The following VAV2 variants were observed in gnomAD, a reference collection of about 807,000 sequenced individuals.
VAV2 encodes the protein guanine nucleotide exchange factor VAV2.
VAV2 carries 67 observed loss-of-function variants against 132.5 expected under a neutral mutation model. The ratio of observed to expected loss-of-function variants is 0.51; its 90% confidence interval spans 0.42 to 0.62. VAV2 has a LOEUF of 0.62. VAV2 is among the 20% of genes least tolerant of loss of function. The pLI is 0.00. For synonymous variants in VAV2, 492 were observed against 443.5 expected, an observed-to-expected ratio of 1.11 and a Z score of -1.37; for missense variants, 938 against 1,153.6, an observed-to-expected ratio of 0.81 and a Z score of 2.71.
chr9:133,838,246 T>A (rs1435738442), intron 3 of VAV2, among the ~76,000 whole-genome samples: 1 of 151,802 alleles, frequency 6.6e-6, no homozygotes, highest in Non-Finnish European at 1.5e-5. Flanking sequence ...CCTTCAGGGC[T>A]GAATCCAAGC....
In VAV2 at chr9:133,802,976, C is replaced by A. The variant is rs572756175; in HGVS notation, c.836+3105G>T. ...TGACTTCAGAGGTTCCCAAAGGCAGCCCTGCCAGAGCAGGTGGCCAAGCCA... is the reference window on the plus strand; with the variant it reads ...TGACTTCAGAGGTTCCCAAAGGCAGACCTGCCAGAGCAGGTGGCCAAGCCA... On this transcript the variant is annotated intron_variant, in intron 9 of 29. Coordinates refer to ENST00000371850, the MANE Select transcript of VAV2 (RefSeq NM_001134398.2). This position sits in a 1 kb window ranked among gnomAD's most constrained non-coding sequence, Gnocchi z 5.8. Among the ~76,000 whole-genome samples the A allele has an allele frequency of 6.6e-6, 1 of 152,354 alleles. No homozygotes were observed. The highest frequency in any genetic ancestry group is 2.1e-4 in the South Asian group (1 of 4,832).
intron 1 of VAV2, among the ~76,000 whole-genome samples, chr9:133,971,443 C>T (rs1029096197): frequency 2.0e-5 from 3 of 152,166 alleles, no homozygotes; most frequent in African/African-American, 7.2e-5. Context: ...CCTGGCCAGG[C>T]CCACGGCCCA....
At chr9:133,772,083 G>A (rs532946154) in intron 25 of VAV2, 37 bp from the exon 26 acceptor site, 33 of 1,580,560 alleles carry the variant, frequency 2.1e-5, no homozygotes, top group Non-Finnish European at 2.2e-5. Flanking sequence ...CACCGCGTGA[G>A]GGCCACACGG....
chr9:133,877,214 C>A (rs912152376), intron 2 of VAV2, among the ~76,000 whole-genome samples: 1 of 152,196 alleles, frequency 6.6e-6, no homozygotes, highest in Non-Finnish European at 1.5e-5. Context: ...AGGCTCCCTC[C>A]GCCCTCAAAC....
intron 2 of VAV2, among the ~76,000 whole-genome samples, chr9:133,880,614 G>T (rs1588306666): frequency 6.6e-6 from 1 of 152,320 alleles, no homozygotes; most frequent in East Asian, 1.9e-4. Context: ...TCCCTGATGG[G>T]TCTTGGGACA....
chr9:133,942,197 G>A (rs1841189645), intron 1 of VAV2, among the ~76,000 whole-genome samples: 1 of 152,364 alleles, frequency 6.6e-6, no homozygotes, highest in Middle Eastern at 3.4e-3. Flanking sequence ...GAGACATGGA[G>A]ACACAGACCC....
rs1383107805 is a variant in VAV2 at position 133,833,506 on chromosome 9, C to A, written c.449+766G>T. 1.3e-5 allele frequency among the ~76,000 whole-genome samples: 2 copies of A among 152,198 alleles called. No homozygotes were observed. The highest frequency in any genetic ancestry group is 2.9e-5 in the Non-Finnish European group (2 of 68,032). ...CAGCAAGGATGCCCGAAGGCACCAT[C>A]TCCCGGTGGCCTGGGAGGGTGGTGG... is the stretch of plus-strand genomic sequence containing the variant. On this transcript the variant is annotated intron_variant, in intron 4 of 29. Coordinates refer to ENST00000371850, the MANE Select transcript of VAV2 (RefSeq NM_001134398.2). The surrounding 1 kb of genome is among the most constrained non-coding windows in gnomAD (Gnocchi z 5.6).
intron 16 of VAV2, among the ~76,000 whole-genome samples, chr9:133,786,507 G>A (rs2488561): frequency 0.5 from 76,323 of 152,118 alleles, 19,395 homozygotes; most frequent in East Asian, 0.57. Flanking sequence ...AGGATCCCAG[G>A]AAGGATGAGC....
Position 133,888,655 on chromosome 9 carries a change from C to T in VAV2, c.322-27223G>A, listed in dbSNP as rs77645362. Among the ~76,000 whole-genome samples, 417 of 152,324 alleles carry T rather than the reference C, an allele frequency of 2.7e-3. 1 individual carries two copies. Among genetic ancestry groups the T allele is most frequent in the African/African-American group, 9.5e-3 (396 of 41,572 alleles). On this transcript the variant is annotated intron_variant, in intron 2 of 29. Transcript: ENST00000371850. ...CTCCAAGTCTCAGCCTCATCGTGGACACGATAAGACCAACGTCCCCCAAAC... is the reference window on the plus strand; with the variant it reads ...CTCCAAGTCTCAGCCTCATCGTGGATACGATAAGACCAACGTCCCCCAAAC...
chr9:133,866,300 T>C (rs1373216979), intron 2 of VAV2, among the ~76,000 whole-genome samples: 2 of 152,202 alleles, frequency 1.3e-5, no homozygotes, highest in African/African-American at 4.8e-5. Flanking sequence ...TAAAGAGGGA[T>C]TCTACGTGTT....
intron 1 of VAV2, among the ~76,000 whole-genome samples, chr9:133,959,049 G>A (rs981095746): frequency 4.6e-5 from 4 of 86,906 alleles, no homozygotes; most frequent in Non-Finnish European, 7.9e-5. Flanking sequence ...CACAGCCCCA[G>A]GGGCCCAGGC....
In VAV2 at chr9:133,802,937, G is replaced by A. The variant is rs1056645462; in HGVS notation, c.836+3144C>T. On this transcript the variant is annotated intron_variant, in intron 9 of 29. Transcript: ENST00000371850. This position sits in a 1 kb window ranked among gnomAD's most constrained non-coding sequence, Gnocchi z 5.8. ...GGGAAATGGGGGTTAGACAGAGCGG[G>A]AGCTGAGGCTTCTTGACTTCAGAGG... Among the ~76,000 whole-genome samples the A allele has an allele frequency of 2.0e-5, 3 of 152,228 alleles. No individual in the cohort carries two copies. Among genetic ancestry groups the A allele is most frequent in the Admixed American group, 6.5e-5 (1 of 15,288 alleles).
At chr9:133,937,962 G>A (rs918220022) in intron 2 of VAV2, among the ~76,000 whole-genome samples, 3 of 152,252 alleles carry the variant, frequency 2.0e-5, no homozygotes, top group Admixed American at 6.5e-5. Flanking sequence ...GAAGGGAAGC[G>A]CCAAGCCTGG....
intron 1 of VAV2, among the ~76,000 whole-genome samples, chr9:133,983,452 C>G (rs1174464769): frequency 6.6e-6 from 1 of 152,158 alleles, no homozygotes; most frequent in Non-Finnish European, 1.5e-5. Flanking sequence ...GCCAGGCCCC[C>G]ACCAAGGTCC....
Position 133,769,562 on chromosome 9 carries a change from G to A in VAV2, c.2348-59C>T. ...AGCAGGGCATCCACGCACAGTCACGGTGGGCACAGCTACAGGCCGGGGGGC... is the reference window on the plus strand; with the variant it reads ...AGCAGGGCATCCACGCACAGTCACGATGGGCACAGCTACAGGCCGGGGGGC... On this transcript the variant is annotated intron_variant, in intron 27 of 29. Coordinates refer to ENST00000371850, the MANE Select transcript of VAV2 (RefSeq NM_001134398.2). The surrounding 1 kb of genome is among the most constrained non-coding windows in gnomAD (Gnocchi z 8.1). The A allele has an allele frequency of 3.3e-6, 5 of 1,538,036 alleles. No homozygotes were observed. Among genetic ancestry groups the A allele is most frequent in the Non-Finnish European group, 4.4e-6 (5 of 1,130,068 alleles).
intron 13 of VAV2, among the ~76,000 whole-genome samples, chr9:133,790,018 G>T (rs1362923162): frequency 6.6e-6 from 1 of 152,228 alleles, no homozygotes; most frequent in South Asian, 2.1e-4. Context: ...CCCAGAGGCT[G>T]CAAGGACAGC....
At chr9:133,924,024 G>T (rs967896764) in intron 2 of VAV2, among the ~76,000 whole-genome samples, 1 of 151,938 alleles carries the variant, frequency 6.6e-6, no homozygotes, top group Non-Finnish European at 1.5e-5. Context: ...AGAGCATTAG[G>T]AGAAATATCT....
intron 3 of VAV2, among the ~76,000 whole-genome samples, chr9:133,835,719 G>T (rs980174093): frequency 1.3e-5 from 2 of 152,178 alleles, no homozygotes; most frequent in East Asian, 3.9e-4. Context: ...CGCGCGGTCC[G>T]TCCCGGCAGC....
At chr9:133,952,260 C>T (rs527316) in intron 1 of VAV2, among the ~76,000 whole-genome samples, 3 of 151,834 alleles carry the variant, frequency 2.0e-5, no homozygotes, top group African/African-American at 7.3e-5. Context: ...CCCTGAGAAG[C>T]CTATTTGTGA....
Sources: allele counts gnomAD v4.1 joint callset (sites outside exome capture counted in the v4.1 genomes callset), GRCh38; gene constraint gnomAD v4.1.1; non-coding constraint Gnocchi (gnomAD v3.1); transcripts MANE v1.5; gene names NCBI Gene and HGNC (gene_info 2026-07-23, HGNC 2026-07-21).